GPC6: variants seen among roughly 807,000 people sequenced by gnomAD.
The protein encoded by GPC6 is glypican-6.
A neutral mutation model predicts 55.2 loss-of-function variants in GPC6; 14 were observed. The observed-to-expected ratio is 0.25, with a 90% CI of 0.17 to 0.40. GPC6 has a LOEUF of 0.40. Among genes scored for constraint, GPC6 ranks in the 10% least tolerant of loss-of-function variants. The probability of loss-of-function intolerance (pLI) is 1.00; values close to 1 mark genes in which losing one functional copy is unlikely to be tolerated. For missense variants in GPC6, 641 were observed against 708.5 expected, an observed-to-expected ratio of 0.90 and a Z score of 1.08; for synonymous variants, 278 against 259.6, an observed-to-expected ratio of 1.07 and a Z score of -0.68.
chr13:93,227,394 G>C lies in GPC6; in HGVS notation c.-63G>C. On this transcript the variant is annotated 5_prime_UTR_variant, in exon 1 of 9. Coordinates refer to ENST00000377047, the MANE Select transcript of GPC6 (RefSeq NM_005708.5). This position sits in a 1 kb window ranked among gnomAD's most constrained non-coding sequence, Gnocchi z 4.3. ...GCTGCCTCTGGCGGGCTTTCGGCTT[G>C]AGGGGCAAGGTGAAGAGCGCACCGG... 1 of 1,559,584 alleles carries C rather than the reference G, an allele frequency of 6.4e-7. No homozygotes were observed. Among genetic ancestry groups the C allele is most frequent in the Non-Finnish European group, 8.8e-7 (1 of 1,138,000 alleles).
At chr13:94,167,018 ACTT>A (rs1416593771) in intron 4 of GPC6, among the ~76,000 whole-genome samples, 1 of 152,186 alleles carries the variant, frequency 6.6e-6, no homozygotes, top group East Asian at 1.9e-4. Flanking sequence ...GTTGCTATCT[ACTT>A]CTTCATAAAA....
Position 94,406,947 on chromosome 13 carries a change from T to G in GPC6, c.*3730T>G, listed in dbSNP as rs1881393102. 1 of 152,162 alleles carries G rather than the reference T, an allele frequency of 6.6e-6. No individual in the cohort carries two copies. The highest frequency in any genetic ancestry group is 1.5e-5 in the Non-Finnish European group (1 of 67,982). The allele number at this position is 152,162 out of a possible 1,614,324, so 9.4% of individuals were successfully genotyped here. A position where few individuals can be genotyped will look rare whatever the true frequency, so the allele number is the denominator to read the frequency against. On this transcript the variant is annotated 3_prime_UTR_variant, in exon 9 of 9. Transcript: ENST00000377047. ...TTTATTTAAAAACACAATTTAGCTT[T>G]GCCAACAGAAGAGTAAAGGAAACCA...
Position 94,298,018 on chromosome 13 carries a change from G to A in GPC6, c.1009-7962G>A, listed in dbSNP as rs182681234. ...TAACTGTTTTGTTAGAAGGCAACCC[G>A]TAAAAAATTACCACACTAATTAAAA... On this transcript the variant is annotated intron_variant, in intron 5 of 8. Coordinates refer to ENST00000377047, the MANE Select transcript of GPC6 (RefSeq NM_005708.5). Among the ~76,000 whole-genome samples, 14 of 151,704 alleles carry A rather than the reference G, an allele frequency of 9.2e-5. No individual in the cohort carries two copies. In the East Asian group the frequency reaches 1.7e-3, roughly 19 times the overall value.
At position 94,253,452 on chromosome 13, in the gene GPC6, G is replaced by C. The variant is rs567041316; in HGVS notation, c.878-32897G>C. On this transcript the variant is annotated intron_variant, in intron 4 of 8. Coordinates refer to ENST00000377047, the MANE Select transcript of GPC6 (RefSeq NM_005708.5). Reference sequence around the variant, plus strand: ...TTCTTCTTTTTTTTATTTAATAAGAGAGGAGTTTCATGAATAAAAACAAAG... The same window carrying C: ...TTCTTCTTTTTTTTATTTAATAAGACAGGAGTTTCATGAATAAAAACAAAG... 1.2e-4 allele frequency among the ~76,000 whole-genome samples: 18 copies of C among 152,152 alleles called. No homozygotes were observed. The South Asian group carries it at 2.3e-3, about 19-fold the overall frequency.
intron 1 of GPC6, among the ~76,000 whole-genome samples, chr13:93,257,713 C>T (rs1279966507): frequency 6.6e-6 from 1 of 152,166 alleles, no homozygotes; most frequent in East Asian, 1.9e-4. Context: ...AGAGACAATT[C>T]ACTTGTCCAA....
chr13:93,359,228 A>C (rs1189062238), intron 1 of GPC6, among the ~76,000 whole-genome samples: 1 of 152,114 alleles, frequency 6.6e-6, no homozygotes, highest in Non-Finnish European at 1.5e-5. Context: ...GGCTTCCCAA[A>C]GTGCCAGGAT....
At chr13:94,259,026 T>C (rs1008228729) in intron 4 of GPC6, among the ~76,000 whole-genome samples, 8 of 150,530 alleles carry the variant, frequency 5.3e-5, no homozygotes, top group African/African-American at 2.0e-4. Flanking sequence ...AACCCCTTCC[T>C]CACTGGAAAC....
In GPC6 at chr13:94,100,591, G is replaced by A. The variant is rs114503280; in HGVS notation, c.877+72697G>A. 6.7e-3 allele frequency among the ~76,000 whole-genome samples: 1,013 copies of A among 152,268 alleles called. 11 individuals are homozygous for A. Among genetic ancestry groups the A allele is most frequent in the African/African-American group, 0.022 (915 of 41,552 alleles). The stretch of plus-strand genomic sequence containing the variant: ...GTTTCGCCTTTGGAGTTCAGTGTTT[G>A]GATGGTCACCTTCAGGCTAGTACTT... On this transcript the variant is annotated intron_variant, in intron 4 of 8. Coordinates refer to ENST00000377047, the MANE Select transcript of GPC6 (RefSeq NM_005708.5).
At chr13:93,757,746 C>T (rs1884825424) in intron 2 of GPC6, among the ~76,000 whole-genome samples, 1 of 152,106 alleles carries the variant, frequency 6.6e-6, no homozygotes, top group Admixed American at 6.6e-5. Flanking sequence ...AGCAAGGATT[C>T]TGAAGGAAGA....
intron 3 of GPC6, among the ~76,000 whole-genome samples, chr13:93,867,878 CTTG>C (rs1185259806): frequency 6.6e-6 from 1 of 151,738 alleles, no homozygotes; most frequent in Non-Finnish European, 1.5e-5. Context: ...GAATCCATGT[CTTG>C]TTGTGGGACC....
chr13:93,707,917 T>C (rs563666028), intron 2 of GPC6, among the ~76,000 whole-genome samples: 6 of 151,876 alleles, frequency 4.0e-5, no homozygotes, highest in East Asian at 2.0e-4. Flanking sequence ...TTATAGCCAG[T>C]AACGAAATCA....
chr13:93,660,844 T>C (rs1485760809), intron 2 of GPC6, among the ~76,000 whole-genome samples: 3 of 152,226 alleles, frequency 2.0e-5, no homozygotes, highest in Admixed American at 6.5e-5. Context: ...TCTATTTATT[T>C]TTCCTTCAAA....
At chr13:94,035,596 G>C (rs76980891) in intron 4 of GPC6, among the ~76,000 whole-genome samples, 314 of 152,140 alleles carry the variant, frequency 2.1e-3, no homozygotes, top group African/African-American at 7.1e-3. Flanking sequence ...AAGGAAGGCG[G>C]TTTACCTCCT....
chr13:94,204,470 A>G (rs1245345422), intron 4 of GPC6, among the ~76,000 whole-genome samples: 1 of 152,200 alleles, frequency 6.6e-6, no homozygotes, highest in Non-Finnish European at 1.5e-5. Context: ...TATATACCAC[A>G]TACTTAATCC....
At chr13:93,488,903 T>C (rs1879840212) in intron 1 of GPC6, among the ~76,000 whole-genome samples, 1 of 152,188 alleles carries the variant, frequency 6.6e-6, no homozygotes, top group Non-Finnish European at 1.5e-5. Context: ...GCAAAAATTT[T>C]CTCCCATTCT....
chr13:93,595,222 T>A (rs964109485), intron 2 of GPC6, among the ~76,000 whole-genome samples: 1 of 152,128 alleles, frequency 6.6e-6, no homozygotes. Flanking sequence ...TTAAGTTGGA[T>A]AAGCTAAGAA....
At chr13:94,332,386 A>G (rs184612109) in intron 6 of GPC6, among the ~76,000 whole-genome samples, 3 of 152,360 alleles carry the variant, frequency 2.0e-5, no homozygotes, top group East Asian at 1.9e-4. Context: ...AGTAGGGGGA[A>G]TAAAAGAACA....
chr13:93,915,495 G>A (rs1310140093), intron 3 of GPC6, among the ~76,000 whole-genome samples: 3 of 152,088 alleles, frequency 2.0e-5, no homozygotes, highest in African/African-American at 7.2e-5. Context: ...TAAAACTGAA[G>A]GGTTGAAAAA....
At chr13:94,336,484 A>G (rs887928731) in intron 6 of GPC6, among the ~76,000 whole-genome samples, 4 of 152,122 alleles carry the variant, frequency 2.6e-5, no homozygotes, top group African/African-American at 9.7e-5. Context: ...GGTCTTGTCT[A>G]GGTCATATTT....
Sources: gnomAD v4.1 joint callset for allele counts (sites outside exome capture counted in the v4.1 genomes callset) on GRCh38, gnomAD v4.1.1 for gene constraint, Gnocchi (gnomAD v3.1) non-coding constraint, MANE v1.5 for transcripts, NCBI Gene and HGNC (gene_info 2026-07-23, HGNC 2026-07-21) for gene names.